KCTD8: variants seen among roughly 807,000 people sequenced by gnomAD.
KCTD8 encodes BTB/POZ domain-containing protein KCTD8.
Under a neutral mutation model 31.5 loss-of-function variants are expected in KCTD8, and 27 were observed. The ratio of observed to expected loss-of-function variants is 0.86; its 90% CI spans 0.63 to 1.18. The LOEUF is 1.18. KCTD8 is among the 50% of genes most tolerant of loss of function. The probability of loss-of-function intolerance (pLI) is 0.00; values close to 1 mark genes in which losing one functional copy is unlikely to be tolerated. For missense variants in KCTD8, 658 were observed against 647.7 expected (o/e 1.02, Z -0.17); for synonymous variants, 290 against 280.0 (o/e 1.04, Z -0.36).
intron 1 of KCTD8, among the ~76,000 whole-genome samples, chr4:44,210,839 G>C (rs1291710044): frequency 2.0e-5 from 3 of 152,152 alleles, no homozygotes; most frequent in South Asian, 4.1e-4. Flanking sequence ...AGCTATAAGA[G>C]AGAAAGATTT....
chr4:44,390,404 G>A (rs908819103), intron 1 of KCTD8, among the ~76,000 whole-genome samples: 2 of 151,434 alleles, frequency 1.3e-5, no homozygotes, highest in South Asian at 2.1e-4. Flanking sequence ...TCTTTCCCTC[G>A]ACCACCTTTA....
At chr4:44,262,840 A>C (rs1044410089) in intron 1 of KCTD8, among the ~76,000 whole-genome samples, 2 of 152,182 alleles carry the variant, frequency 1.3e-5, no homozygotes, top group African/African-American at 4.8e-5. Flanking sequence ...GAATAATGTA[A>C]CAGCATATTC....
intron 1 of KCTD8, among the ~76,000 whole-genome samples, chr4:44,203,495 CA>C (rs554145266): frequency 0.018 from 805 of 44,694 alleles, 3 homozygotes; most frequent in African/African-American, 0.032. Context: ...GACTCCATCT[CA>C]AAAAAAAAAA....
intron 1 of KCTD8, among the ~76,000 whole-genome samples, chr4:44,196,840 A>C (rs987816814): frequency 6.6e-6 from 1 of 152,190 alleles, no homozygotes. Flanking sequence ...ACACTCAAGA[A>C]TACAGGGAAT....
intron 1 of KCTD8, among the ~76,000 whole-genome samples, chr4:44,294,032 G>C (rs754790943): frequency 3.3e-5 from 5 of 152,030 alleles, no homozygotes; most frequent in Non-Finnish European, 7.4e-5. Context: ...ATTTACAAAG[G>C]ATAGGAAAAG....
At chr4:44,365,460 G>T (rs377254847) in intron 1 of KCTD8, among the ~76,000 whole-genome samples, 1 of 151,984 alleles carries the variant, frequency 6.6e-6, no homozygotes, top group East Asian at 1.9e-4. Context: ...AGATTCTTTA[G>T]CTATTTTAGA....
intron 1 of KCTD8, among the ~76,000 whole-genome samples, chr4:44,256,448 G>GA (rs1354052913): frequency 6.6e-6 from 1 of 151,788 alleles, no homozygotes; most frequent in Non-Finnish European, 1.5e-5. Context: ...GATACTTCGA[G>GA]AAAAAAGATA....
chr4:44,241,928 TA>T (rs1715467358), intron 1 of KCTD8, among the ~76,000 whole-genome samples: 2 of 152,124 alleles, frequency 1.3e-5, no homozygotes, highest in Admixed American at 6.5e-5. Context: ...TAATAATAAA[TA>T]AAAAAGTGTT....
In KCTD8 at chr4:44,175,031, T is replaced by G. The variant is rs770673672; in HGVS notation, c.1181A>C (p.Lys394Thr). 1 of 1,614,034 alleles carries G rather than the reference T, an allele frequency of 6.2e-7. No homozygotes were observed. The highest frequency in any genetic ancestry group is 1.1e-5 in the South Asian group (1 of 91,072). ...PNTLTLDRPS[K>T]KAPVQWIPPP... ...GGGTATCCATTGTACAGGTGCTTTT[T>G]TAGAGGGGCGATCCAATGTTAAAGT... The change falls in exon 2 of 2, where the codon AAA becomes ACA. Residue 394 changes from lysine to threonine, a missense_variant. Transcript: ENST00000360029.
intron 1 of KCTD8, among the ~76,000 whole-genome samples, chr4:44,261,144 C>A (rs773183693): frequency 1.3e-5 from 2 of 151,780 alleles, no homozygotes; most frequent in African/African-American, 4.8e-5. Flanking sequence ...GAATGAAGGA[C>A]GGTGGCAAGA....
chr4:44,230,365 AT>A (rs1016801978), intron 1 of KCTD8, among the ~76,000 whole-genome samples: 1 of 152,224 alleles, frequency 6.6e-6, no homozygotes, highest in Non-Finnish European at 1.5e-5. Context: ...AATTATTCAC[AT>A]AAAATTCAGT....
At chr4:44,277,136 C>A (rs1254757601) in intron 1 of KCTD8, among the ~76,000 whole-genome samples, 2 of 151,758 alleles carry the variant, frequency 1.3e-5, no homozygotes, top group African/African-American at 2.4e-5. Flanking sequence ...TATTAATATT[C>A]ATGCTAGAAG....
intron 1 of KCTD8, among the ~76,000 whole-genome samples, chr4:44,221,953 T>G (rs1714820850): frequency 6.6e-6 from 1 of 152,198 alleles, no homozygotes; most frequent in Admixed American, 6.5e-5. Context: ...TCACACATGT[T>G]ATTCCACTCA....
intron 1 of KCTD8, among the ~76,000 whole-genome samples, chr4:44,343,316 G>A (rs1325513265): frequency 6.6e-6 from 1 of 152,128 alleles, no homozygotes; most frequent in Admixed American, 6.5e-5. Context: ...GAAAGATGAG[G>A]GAAAGGTCAG....
At chr4:44,277,169 A>C (rs1716774750) in intron 1 of KCTD8, among the ~76,000 whole-genome samples, 1 of 151,900 alleles carries the variant, frequency 6.6e-6, no homozygotes, top group Non-Finnish European at 1.5e-5. Flanking sequence ...ATCAACTCCT[A>C]AAATGAGTAC....
intron 1 of KCTD8, among the ~76,000 whole-genome samples, chr4:44,445,340 A>G (rs983159307): frequency 1.3e-5 from 2 of 152,154 alleles, no homozygotes; most frequent in African/African-American, 4.8e-5. Flanking sequence ...ACAATATTTA[A>G]TCTGGAATTG....
intron 1 of KCTD8, among the ~76,000 whole-genome samples, chr4:44,258,127 T>C (rs1457866107): frequency 2.6e-5 from 4 of 152,012 alleles, no homozygotes; most frequent in Non-Finnish European, 4.4e-5. Flanking sequence ...CAGATGCTAA[T>C]AGGAAAGACA....
intron 1 of KCTD8, among the ~76,000 whole-genome samples, chr4:44,252,841 G>C (rs1226940588): frequency 6.6e-6 from 1 of 151,550 alleles, no homozygotes; most frequent in African/African-American, 2.4e-5. Context: ...TTATATATCA[G>C]TCTCACAAAT....
chr4:44,360,976 C>G (rs1719478071), intron 1 of KCTD8, among the ~76,000 whole-genome samples: 3 of 151,998 alleles, frequency 2.0e-5, no homozygotes, highest in East Asian at 3.9e-4. Flanking sequence ...ATCTCTTATT[C>G]TCTATCTCAA....
Sources: gnomAD v4.1 joint callset for allele counts (sites outside exome capture counted in the v4.1 genomes callset) on GRCh38, gnomAD v4.1.1 for gene constraint, MANE v1.5 for transcripts, NCBI Gene and HGNC (gene_info 2026-07-23, HGNC 2026-07-21) for gene names.